The following SLC5A12 variants were observed in gnomAD, a reference collection of about 807,000 sequenced individuals.
SLC5A12 encodes the protein solute carrier family 5 member 12.
Under a neutral mutation model 72.7 loss-of-function variants are expected in SLC5A12, and 46 were observed. That is an observed-to-expected ratio of 0.63 (90% CI 0.50 to 0.81). The LOEUF is 0.81. SLC5A12 is among the 30% of genes least tolerant of loss of function. SLC5A12 has a pLI of 0.00. For synonymous variants in SLC5A12, 275 were observed against 264.4 expected (o/e 1.04, Z -0.39); for missense variants, 683 against 740.7 (o/e 0.92, Z 0.90).
At chr11:26,721,317 G>A in intron 1 of SLC5A12, 59 bp downstream of exon 1, 1 of 1,222,408 alleles carries the variant, frequency 8.2e-7, no homozygotes, top group Non-Finnish European at 1.2e-6. Context: ...CAACTACCAG[G>A]TGCTATCATC....
At chr11:26,698,607 A>G in intron 6 of SLC5A12, 72 bp from the exon 7 acceptor site, 1 of 1,466,182 alleles carries the variant, frequency 6.8e-7, no homozygotes, top group Non-Finnish European at 9.2e-7. Context: ...ATTACCAGGT[A>G]CTCAAGGTAA....
intron 10 of SLC5A12, among the ~76,000 whole-genome samples, chr11:26,685,804 A>G (rs1193408144): frequency 3.3e-5 from 5 of 152,040 alleles, no homozygotes; most frequent in African/African-American, 1.2e-4. Flanking sequence ...TGAACAGGGT[A>G]TTTTCACTTT....
intron 8 of SLC5A12, among the ~76,000 whole-genome samples, chr11:26,692,835 C>A (rs1194391019): frequency 6.6e-6 from 1 of 152,172 alleles, no homozygotes; most frequent in Non-Finnish European, 1.5e-5. Context: ...AGAAGCTAGG[C>A]TTTCATAATC....
At position 26,670,987 on chromosome 11, in the gene SLC5A12, G is replaced by T; in HGVS notation, c.*115C>A. ...GTAGAAATAGGCACCAGACATCCCTGTCTTCTAGCAATGGCAACTATACAT... is the reference window on the plus strand; with the variant it reads ...GTAGAAATAGGCACCAGACATCCCTTTCTTCTAGCAATGGCAACTATACAT... On this transcript the variant is annotated 3_prime_UTR_variant, in exon 15 of 15. Transcript: ENST00000396005. 1 of 905,216 alleles carries T rather than the reference G, an allele frequency of 1.1e-6. No individual in the cohort carries two copies. The highest frequency in any genetic ancestry group is 1.6e-6 in the Non-Finnish European group (1 of 629,484). 56.1% of individuals were successfully genotyped at this position (905,216 alleles called of 1,614,324 possible). A position where few individuals can be genotyped will look rare whatever the true frequency, so the allele number is the denominator to read the frequency against.
intron 1 of SLC5A12, among the ~76,000 whole-genome samples, chr11:26,719,726 A>T (rs1482361555): frequency 6.6e-6 from 1 of 152,140 alleles, no homozygotes; most frequent in Admixed American, 6.6e-5. Flanking sequence ...GTCTTATTTT[A>T]CTTGAAGTTT....
At chr11:26,688,951 A>G (rs1854599823) in intron 9 of SLC5A12, among the ~76,000 whole-genome samples, 1 of 152,200 alleles carries the variant, frequency 6.6e-6, no homozygotes, top group Non-Finnish European at 1.5e-5. Flanking sequence ...GCCCAGGCCC[A>G]TCAATAGACT....
At position 26,681,061 on chromosome 11, in the gene SLC5A12, G is replaced by T; in HGVS notation, c.1469C>A (p.Ser490Tyr). Residue 490 changes from serine (S) to tyrosine (Y), a missense_variant, in exon 12 of 15, where the codon TCC (serine) becomes TAC (tyrosine). Ser to Tyr is a moderately radical substitution (Grantham distance 144). Transcript: ENST00000396005. The stretch of plus-strand genomic sequence containing the variant: ...ATCTATAAAGTCAGCATACCTGCTG[G>T]ATAGTACTGGAGGCCCTGTTGCTGT... ...NVTATGPPVL[S>Y]SRPGIADTWY... The T allele has an allele frequency of 1.3e-6, 2 of 1,598,498 alleles. No individual in the cohort carries two copies. The highest frequency in any genetic ancestry group is 1.7e-6 in the Non-Finnish European group (2 of 1,172,460).
intron 8 of SLC5A12, among the ~76,000 whole-genome samples, chr11:26,696,284 A>C (rs1854810645): frequency 6.6e-6 from 1 of 152,322 alleles, no homozygotes; most frequent in South Asian, 2.1e-4. Flanking sequence ...GTATAATATA[A>C]GCCTTCTAAA....
intron 11 of SLC5A12, among the ~76,000 whole-genome samples, chr11:26,681,737 T>G (rs1854415911): frequency 6.6e-6 from 1 of 152,132 alleles, no homozygotes; most frequent in Non-Finnish European, 1.5e-5. Flanking sequence ...ATTTAAGGTT[T>G]ATATTTCTTG....
chr11:26,698,421 G>T lies in SLC5A12; in HGVS notation c.936C>A (p.Ile312=), dbSNP rs764481284. 2 of 1,613,992 alleles carry T rather than the reference G, an allele frequency of 1.2e-6. No homozygotes were observed. Among genetic ancestry groups the T allele is most frequent in the African/African-American group, 2.7e-5 (2 of 75,028 alleles). ...AAACCCATACCTGGTCTGGTGCTGA[G>T]ATGATGCCAGAAGTCCAAGGGTCAC... ...KDCDPWTSGI[I]SAPDQLMPYF... The change falls in exon 7 of 15, where the codon ATC becomes ATA. Residue 312 remains isoleucine (I), a synonymous_variant. Transcript: ENST00000396005.
chr11:26,707,620 T>C (rs1015933615), intron 4 of SLC5A12, among the ~76,000 whole-genome samples: 1 of 152,026 alleles, frequency 6.6e-6, no homozygotes, highest in African/African-American at 2.4e-5. Context: ...GTGTGGTCAG[T>C]CATTCCTGAT....
chr11:26,708,691 G>A (rs1855148393), intron 4 of SLC5A12, among the ~76,000 whole-genome samples: 1 of 151,958 alleles, frequency 6.6e-6, no homozygotes, highest in Non-Finnish European at 1.5e-5. Flanking sequence ...CAGGGAATGG[G>A]CAAACAATAG....
chr11:26,686,024 A>G (rs1371846397), intron 10 of SLC5A12, among the ~76,000 whole-genome samples: 1 of 152,188 alleles, frequency 6.6e-6, no homozygotes, highest in East Asian at 1.9e-4. Flanking sequence ...TAGTGCATTA[A>G]TTATACTACC....
chr11:26,680,071 T>A (rs1565185352), intron 12 of SLC5A12, among the ~76,000 whole-genome samples: 2 of 151,602 alleles, frequency 1.3e-5, no homozygotes, highest in Admixed American at 6.6e-5. Flanking sequence ...ATGAATGCAA[T>A]TTGCCACATT....
At chr11:26,678,305 G>A (rs1172590884) in intron 13 of SLC5A12, among the ~76,000 whole-genome samples, 3 of 152,068 alleles carry the variant, frequency 2.0e-5, no homozygotes, top group African/African-American at 7.2e-5. Flanking sequence ...AGGCCTCTGG[G>A]GGGCATGTGT....
Position 26,711,290 on chromosome 11 carries a change from G to A in SLC5A12, c.457+17C>T. 6.2e-7 allele frequency: 1 copy of A among 1,607,566 alleles called. No homozygotes were observed. Among genetic ancestry groups the A allele is most frequent in the South Asian group, 1.1e-5 (1 of 90,748 alleles). On this transcript the variant is annotated intron_variant, in intron 3 of 14. Coordinates refer to ENST00000396005, the MANE Select transcript of SLC5A12 (RefSeq NM_178498.4). Reference sequence around the variant, plus strand: ...ATAAAAATGGTAAAATATGCCAAGAGAATGCTGATAACTCACCTTGATTGA... The same window carrying A: ...ATAAAAATGGTAAAATATGCCAAGAAAATGCTGATAACTCACCTTGATTGA...
intron 1 of SLC5A12, among the ~76,000 whole-genome samples, chr11:26,715,812 C>T (rs1855338147): frequency 1.3e-5 from 2 of 152,294 alleles, no homozygotes; most frequent in South Asian, 4.1e-4. Flanking sequence ...CAAGCTGTCT[C>T]ATTTGCATTC....
At chr11:26,674,723 A>G (rs370106469) in intron 13 of SLC5A12, among the ~76,000 whole-genome samples, 2 of 152,118 alleles carry the variant, frequency 1.3e-5, no homozygotes, top group East Asian at 3.8e-4. Context: ...ATTTTTAAAA[A>G]TCTAAATTGA....
intron 12 of SLC5A12, among the ~76,000 whole-genome samples, chr11:26,679,185 C>T (rs1279825943): frequency 6.6e-6 from 1 of 152,022 alleles, no homozygotes; most frequent in Non-Finnish European, 1.5e-5. Context: ...AGTCTACATA[C>T]AGGAGCTAAT....
Sources: allele counts gnomAD v4.1 joint callset (sites outside exome capture counted in the v4.1 genomes callset), GRCh38; gene constraint gnomAD v4.1.1; transcripts MANE v1.5; gene names NCBI Gene and HGNC (gene_info 2026-07-23, HGNC 2026-07-21).